Variants in PPARGC1B observed in about 807,000 individuals in gnomAD.
The protein encoded by PPARGC1B is peroxisome proliferator-activated receptor gamma coactivator 1-beta.
In PPARGC1B, 34 loss-of-function variants were observed where a neutral mutation model predicts 101.6. The observed-to-expected ratio is 0.33, with a 90% CI of 0.25 to 0.45. PPARGC1B has a LOEUF of 0.45. PPARGC1B is among the 20% of genes least tolerant of loss of function. The pLI is 1.00. For synonymous variants in PPARGC1B, 548 were observed against 539.3 expected (o/e 1.02, Z -0.22); for missense variants, 1,234 against 1,317.6 (o/e 0.94, Z 0.98).
chr5:149,760,377 C>T (rs756300752), intron 1 of PPARGC1B, among the ~76,000 whole-genome samples: 4 of 152,200 alleles, frequency 2.6e-5, no homozygotes, highest in Non-Finnish European at 4.4e-5. Flanking sequence ...GGGCTTTTGA[C>T]CAACTCACCT....
intron 1 of PPARGC1B, among the ~76,000 whole-genome samples, chr5:149,752,690 G>A (rs1272249566): frequency 2.6e-5 from 4 of 152,264 alleles, no homozygotes; most frequent in East Asian, 1.9e-4. Flanking sequence ...TTAGCCAGGC[G>A]TGGTGGCAGG....
Position 149,833,244 on chromosome 5 carries a change from G to GTGGAGGA in PPARGC1B, c.1172_1178dup (p.Glu393AspfsTer95). 1 of 1,613,368 alleles carries GTGGAGGA rather than the reference G, an allele frequency of 6.2e-7. No homozygotes were observed. The highest frequency in any genetic ancestry group is 8.5e-7 in the Non-Finnish European group (1 of 1,180,008). ...GGCCTCCCCTGGTCGCCCGTCCTCG[G>GTGGAGGA]TGGAGGAGGTAAGGATCGCAGCTTC... On this transcript the variant is annotated frameshift_variant, in exon 5 of 12. Coordinates refer to ENST00000309241, the MANE Select transcript of PPARGC1B (RefSeq NM_133263.4). LOFTEE classifies it high-confidence loss of function. The surrounding 1 kb of genome is among the most constrained non-coding windows in gnomAD (Gnocchi z 4.1).
At chr5:149,774,532 G>C (rs187993719) in intron 1 of PPARGC1B, among the ~76,000 whole-genome samples, 1 of 151,900 alleles carries the variant, frequency 6.6e-6, no homozygotes, top group African/African-American at 2.4e-5. Context: ...AATCACATCC[G>C]AGCATTAGCG....
intron 1 of PPARGC1B, among the ~76,000 whole-genome samples, chr5:149,741,794 AT>A (rs1212335231): frequency 6.6e-6 from 1 of 151,640 alleles, no homozygotes; most frequent in African/African-American, 2.4e-5. Context: ...TGCCTGGCTA[AT>A]TTTTTTGTAT....
chr5:149,826,852 G>A lies in PPARGC1B; in HGVS notation c.432G>A (p.Ser144=), dbSNP rs367827876. Reference sequence around the variant, plus strand: ...CCAGCCCTGCCCCGGAGAAGCCCTCGGCCCCAGCCCCTGAGGTGGACGAGC... The same window carrying A: ...CCAGCCCTGCCCCGGAGAAGCCCTCAGCCCCAGCCCCTGAGGTGGACGAGC... The part of the protein sequence containing the change: ...APPSPAPEKP[S]APAPEVDELS... The change falls in exon 3 of 12, where the codon TCG becomes TCA. Residue 144 remains serine (S), a synonymous_variant. Coordinates refer to ENST00000309241, the MANE Select transcript of PPARGC1B (RefSeq NM_133263.4). 2.4e-5 allele frequency: 38 copies of A among 1,613,144 alleles called. No homozygotes were observed. The South Asian group carries it at 2.4e-4, about 10-fold the overall frequency.
chr5:149,740,894 A>G (rs977897820), intron 1 of PPARGC1B, among the ~76,000 whole-genome samples: 8 of 152,230 alleles, frequency 5.3e-5, no homozygotes, highest in Non-Finnish European at 1.2e-4. Context: ...ACAAATGTCA[A>G]TTTGAGCTTT....
At position 149,742,521 on chromosome 5, in the gene PPARGC1B, C is replaced by T. The variant is rs563912987; in HGVS notation, c.78+12101C>T. ...GCTAAGGAGGAGAGCTCTGACTGTG[C>T]TGAGGAGTTTGGACTTGGCAGGCAG... is the stretch of plus-strand genomic sequence containing the variant. On this transcript the variant is annotated intron_variant, in intron 1 of 11. Transcript: ENST00000309241. Among the ~76,000 whole-genome samples, 6 of 152,316 alleles carry T rather than the reference C, an allele frequency of 3.9e-5. No homozygotes were observed. The South Asian group carries it at 1.2e-3, about 32-fold the overall frequency.
At chr5:149,784,148 G>A (rs1032877555) in intron 1 of PPARGC1B, among the ~76,000 whole-genome samples, 1 of 151,984 alleles carries the variant, frequency 6.6e-6, no homozygotes, top group African/African-American at 2.4e-5. Context: ...TACTTGGGTT[G>A]CTATAGTCCT....
At position 149,832,879 on chromosome 5, in the gene PPARGC1B, C is replaced by G. The variant is rs986786430; in HGVS notation, c.806C>G (p.Ala269Gly). ...CCAGCCTCTCCCCGGGACTCCCTAGCTCTGGGCAGGGCAGACCCCGGTGCC... is the reference window on the plus strand; with the variant it reads ...CCAGCCTCTCCCCGGGACTCCCTAGGTCTGGGCAGGGCAGACCCCGGTGCC... Reference protein sequence around the residue: ...PAPASPRDSLALGRADPGAPV... With the variant: ...PAPASPRDSLGLGRADPGAPV... Residue 269 changes from alanine (A) to glycine (G), a missense_variant, in exon 5 of 12, where the codon GCT (alanine) becomes GGT (glycine). Transcript: ENST00000309241. The surrounding 1 kb of genome is among the most constrained non-coding windows in gnomAD (Gnocchi z 4.9). The G allele has an allele frequency of 6.8e-6, 11 of 1,612,590 alleles. No homozygotes were observed. Among genetic ancestry groups the G allele is most frequent in the Non-Finnish European group, 8.5e-6 (10 of 1,179,706 alleles).
At position 149,784,560 on chromosome 5, in the gene PPARGC1B, C is replaced by CTTTTTTTTTTTTTTTTTTT. The variant is rs72364863; in HGVS notation, c.79-35868_79-35850dup. Reference sequence around the variant, plus strand: ...AGCCTCACTCCAGCCAACTGAGTTTCTTTTTTTTTTTTTTTTTTTTTTTCT... The same window carrying CTTTTTTTTTTTTTTTTTTT: ...AGCCTCACTCCAGCCAACTGAGTTTCTTTTTTTTTTTTTTTTTTTTTTTTTTTTTTTTTTTTTTTTTTCT... On this transcript the variant is annotated intron_variant, in intron 1 of 11. Transcript: ENST00000309241. 1.6e-4 allele frequency among the ~76,000 whole-genome samples: 12 copies of CTTTTTTTTTTTTTTTTTTT among 75,704 alleles called. 1 individual carries two copies. The highest frequency in any genetic ancestry group is 5.0e-4 in the South Asian group (1 of 1,984). 49.7% of individuals were successfully genotyped at this position (75,704 alleles called of 152,430 possible).
chr5:149,824,453 C>T (rs1239092429), intron 2 of PPARGC1B, among the ~76,000 whole-genome samples: 1 of 152,178 alleles, frequency 6.6e-6, no homozygotes, highest in Non-Finnish European at 1.5e-5. Flanking sequence ...CTCTACAAAG[C>T]ACTCTCATTA....
In PPARGC1B at chr5:149,730,793, G is replaced by A. The variant is rs1327099971; in HGVS notation, c.78+373G>A. Among the ~76,000 whole-genome samples, 2 of 152,186 alleles carry A rather than the reference G, an allele frequency of 1.3e-5. No individual in the cohort carries two copies. Among genetic ancestry groups the A allele is most frequent in the Non-Finnish European group, 2.9e-5 (2 of 68,012 alleles). ...TGCTGGAGGCGCGCCGTCAGCGCCC[G>A]GCACTTGCTGCCGTACTTTCACGTG... On this transcript the variant is annotated intron_variant, in intron 1 of 11. Coordinates refer to ENST00000309241, the MANE Select transcript of PPARGC1B (RefSeq NM_133263.4). This position sits in a 1 kb window ranked among gnomAD's most constrained non-coding sequence, Gnocchi z 4.0.
chr5:149,781,041 C>T (rs1489153406), intron 1 of PPARGC1B, among the ~76,000 whole-genome samples: 1 of 152,124 alleles, frequency 6.6e-6, no homozygotes. Flanking sequence ...CCCATCTCTA[C>T]TAAAAATACA....
At chr5:149,735,980 C>T (rs1416391488) in intron 1 of PPARGC1B, among the ~76,000 whole-genome samples, 7 of 152,192 alleles carry the variant, frequency 4.6e-5, no homozygotes, top group East Asian at 1.9e-4. Context: ...AAAAATTAGC[C>T]GGGCGTGGTG....
At chr5:149,790,396 C>A (rs1561542397) in intron 1 of PPARGC1B, among the ~76,000 whole-genome samples, 1 of 152,024 alleles carries the variant, frequency 6.6e-6, no homozygotes, top group South Asian at 2.1e-4. Flanking sequence ...CTGGGGTGTG[C>A]CTCCGCTCTC....
chr5:149,784,369 G>A (rs1756708779), intron 1 of PPARGC1B, among the ~76,000 whole-genome samples: 2 of 151,942 alleles, frequency 1.3e-5, no homozygotes, highest in Admixed American at 1.3e-4. Flanking sequence ...ATGTTTGGCT[G>A]CATCTCTGTA....
intron 1 of PPARGC1B, among the ~76,000 whole-genome samples, chr5:149,773,256 A>ACTAATC (rs1756215309): frequency 6.6e-6 from 1 of 152,242 alleles, no homozygotes; most frequent in African/African-American, 2.4e-5. Context: ...CATGTCTCTT[A>ACTAATC]CTAATCCAAA....
chr5:149,806,418 G>C (rs573115461), intron 1 of PPARGC1B, among the ~76,000 whole-genome samples: 1 of 152,204 alleles, frequency 6.6e-6, no homozygotes, highest in African/African-American at 2.4e-5. Flanking sequence ...ACCTCTTTCT[G>C]GGTTATTTAT....
At chr5:149,740,076 C>T (rs918957570) in intron 1 of PPARGC1B, 6 of 152,198 alleles carry the variant, frequency 3.9e-5, no homozygotes, top group Non-Finnish European at 5.9e-5. Flanking sequence ...TGGGATAAAG[C>T]CATTGATTAA....
Sources: allele counts gnomAD v4.1 joint callset (sites outside exome capture counted in the v4.1 genomes callset), GRCh38; gene constraint gnomAD v4.1.1; non-coding constraint Gnocchi (gnomAD v3.1); transcripts MANE v1.5; gene names NCBI Gene and HGNC (gene_info 2026-07-23, HGNC 2026-07-21).